SPTBN1: variants seen among roughly 807,000 people sequenced by gnomAD.
SPTBN1 encodes spectrin beta, non-erythrocytic 1, also known as spectrin beta chain, non-erythrocytic 1.
A neutral mutation model predicts 266.4 loss-of-function variants in SPTBN1; 32 were observed. The ratio of observed to expected loss-of-function variants is 0.12; its 90% CI spans 0.09 to 0.16. The LOEUF (loss-of-function observed/expected upper bound fraction) is 0.16, where lower values mean the gene tolerates loss of function less well. SPTBN1 is among the 10% of genes least tolerant of loss of function. The pLI is 1.00. For synonymous variants in SPTBN1, 1,336 were observed against 1,162.2 expected, an observed-to-expected ratio of 1.15 and a Z score of -3.04; for missense variants, 2,296 against 3,067.1, an observed-to-expected ratio of 0.75 and a Z score of 5.94.
Position 54,664,243 on chromosome 2 carries a change from A to C in SPTBN1, c.6421-210A>C. Reference sequence around the variant, plus strand: ...CTCATACTGGCATTTCGCTTTTCTCATTTCCCTGTAAATGGGCGGGTATTA... The same window carrying C: ...CTCATACTGGCATTTCGCTTTTCTCCTTTCCCTGTAAATGGGCGGGTATTA... On this transcript the variant is annotated intron_variant, in intron 32 of 35. Coordinates refer to ENST00000356805, the MANE Select transcript of SPTBN1 (RefSeq NM_003128.3). The surrounding 1 kb of genome is among the most constrained non-coding windows in gnomAD (Gnocchi z 5.6). The C allele has an allele frequency of 1.8e-6, 1 of 567,500 alleles. No homozygotes were observed. Among genetic ancestry groups the C allele is most frequent in the Admixed American group, 2.8e-5 (1 of 35,334 alleles). 35.2% of individuals were successfully genotyped at this position (567,500 alleles called of 1,614,324 possible).
At chr2:54,612,119 C>T in intron 3 of SPTBN1, 42 bp from the exon 4 acceptor site, 1 of 1,539,164 alleles carries the variant, frequency 6.5e-7, no homozygotes, top group Admixed American at 1.9e-5. Context: ...CATCTCTACT[C>T]TGTTGGGTGA....
chr2:54,506,079 G>T (rs972264550), intron 1 of SPTBN1, among the ~76,000 whole-genome samples: 1 of 151,976 alleles, frequency 6.6e-6, no homozygotes, highest in African/African-American at 2.4e-5. Flanking sequence ...AGCCAAGATC[G>T]CGCCACTGCA....
chr2:54,516,996 G>C (rs550724337), intron 1 of SPTBN1, among the ~76,000 whole-genome samples: 1 of 152,306 alleles, frequency 6.6e-6, no homozygotes, highest in South Asian at 2.1e-4. Context: ...GGAATGTCTG[G>C]CTTATGGTAA....
chr2:54,653,877 A>G lies in SPTBN1; in HGVS notation c.5822+24A>G, dbSNP rs948295125. 1.9e-6 allele frequency: 3 copies of G among 1,596,238 alleles called. No homozygotes were observed. The highest frequency in any genetic ancestry group is 8.5e-7 in the Non-Finnish European group (1 of 1,175,822). On this transcript the variant is annotated intron_variant, in intron 27 of 35. Transcript: ENST00000356805. This position sits in a 1 kb window ranked among gnomAD's most constrained non-coding sequence, Gnocchi z 5.1. ...AGGTAACGCTTTCAGCCCAAAGGAAATTGGACTTATTGGCGCTTGGTTAAA... is the reference window on the plus strand; with the variant it reads ...AGGTAACGCTTTCAGCCCAAAGGAAGTTGGACTTATTGGCGCTTGGTTAAA...
At chr2:54,519,977 G>A (rs930482601) in intron 1 of SPTBN1, among the ~76,000 whole-genome samples, 1 of 152,128 alleles carries the variant, frequency 6.6e-6, no homozygotes, top group Non-Finnish European at 1.5e-5. Context: ...CGTAGAGGTC[G>A]GGGCTGTGAG....
chr2:54,494,322 G>GT (rs993166581), intron 1 of SPTBN1, among the ~76,000 whole-genome samples: 11 of 152,210 alleles, frequency 7.2e-5, no homozygotes, highest in African/African-American at 1.7e-4. Flanking sequence ...ACAACTTGCA[G>GT]TTTTTTTAAC....
chr2:54,506,828 TG>T (rs1669586386), intron 1 of SPTBN1, among the ~76,000 whole-genome samples: 1 of 150,922 alleles, frequency 6.6e-6, no homozygotes, highest in African/African-American at 2.4e-5. Flanking sequence ...GGCCCTGGGC[TG>T]GGACTAGGGG....
chr2:54,605,780 A>T (rs6726004), intron 3 of SPTBN1, among the ~76,000 whole-genome samples: 39 of 152,224 alleles, frequency 2.6e-4, no homozygotes, highest in African/African-American at 8.9e-4. Flanking sequence ...CCTCTCGTAT[A>T]GTACCACCAG....
In SPTBN1 at chr2:54,625,919, C is replaced by T. The variant is rs754670996; in HGVS notation, c.1342-13C>T. ...TTTTTTATTTTCCTTCTTTTCATTC[C>T]GTTTCTCTGTAGGACAACTTTGGGT... On this transcript the variant is annotated splice_polypyrimidine_tract_variant and intron_variant, in intron 11 of 35. Transcript: ENST00000356805. 1.5e-5 allele frequency: 24 copies of T among 1,608,044 alleles called. No individual in the cohort carries two copies. The highest frequency in any genetic ancestry group is 2.2e-5 in the East Asian group (1 of 44,730).
intron 2 of SPTBN1, among the ~76,000 whole-genome samples, chr2:54,589,631 C>T (rs960715065): frequency 7.2e-5 from 11 of 152,216 alleles, no homozygotes; most frequent in African/African-American, 2.4e-4. Context: ...AACTCAAATT[C>T]TATTTTTATA....
At chr2:54,658,970 A>G (rs1680858178) in intron 30 of SPTBN1, among the ~76,000 whole-genome samples, 184 bp from the exon 31 acceptor site, 1 of 152,180 alleles carries the variant, frequency 6.6e-6, no homozygotes, top group African/African-American at 2.4e-5. Flanking sequence ...TATTTCCTGT[A>G]GTTTTAGGTT....
At chr2:54,619,856 A>G (rs1170545139) in intron 7 of SPTBN1, among the ~76,000 whole-genome samples, 2 of 152,184 alleles carry the variant, frequency 1.3e-5, no homozygotes, top group East Asian at 1.9e-4. Context: ...GGCAGGGAGC[A>G]TGCCAGCAGT....
At chr2:54,462,848 G>A (rs948017379) in intron 1 of SPTBN1, among the ~76,000 whole-genome samples, 2 of 152,222 alleles carry the variant, frequency 1.3e-5, no homozygotes, top group Admixed American at 6.5e-5. Context: ...GTTCCTGGCA[G>A]ACATCGAAAA....
rs971545204 is a variant in SPTBN1 at position 54,618,251 on chromosome 2, A to C, written c.763+58A>C. 2.9e-6 allele frequency: 4 copies of C among 1,395,478 alleles called. No homozygotes were observed. In the African/African-American group the frequency reaches 5.7e-5, roughly 20 times the overall value. The allele number at this position is 1,395,478 out of a possible 1,614,324, so 86.4% of individuals were successfully genotyped here. On this transcript the variant is annotated intron_variant, in intron 7 of 35. Coordinates refer to ENST00000356805, the MANE Select transcript of SPTBN1 (RefSeq NM_003128.3). ...TAGCATCTGTACCATCCAGGTGTTAATGTAAAATCTGTTTTGTGTCAGTCT... is the reference window on the plus strand; with the variant it reads ...TAGCATCTGTACCATCCAGGTGTTACTGTAAAATCTGTTTTGTGTCAGTCT...
At chr2:54,642,558 A>G (rs1679649471) in intron 18 of SPTBN1, among the ~76,000 whole-genome samples, 1 of 151,242 alleles carries the variant, frequency 6.6e-6, no homozygotes, top group African/African-American at 2.4e-5. Flanking sequence ...AATAAAAAGA[A>G]CTAAGAGAGT....
intron 1 of SPTBN1, among the ~76,000 whole-genome samples, chr2:54,502,349 T>C (rs1437238402): frequency 6.6e-6 from 1 of 152,124 alleles, no homozygotes; most frequent in African/African-American, 2.4e-5. Context: ...GCTGTGGGGA[T>C]GGCAGGCTGT....
At chr2:54,659,905 C>T in intron 31 of SPTBN1, 31 bp from the exon 32 acceptor site, 5 of 1,608,052 alleles carry the variant, frequency 3.1e-6, no homozygotes, top group Non-Finnish European at 4.3e-6. Flanking sequence ...TTCTTCCTTT[C>T]CCTTCCTCCT....
intron 2 of SPTBN1, among the ~76,000 whole-genome samples, chr2:54,539,386 A>G (rs1671804222): frequency 2.0e-5 from 3 of 152,226 alleles, no homozygotes; most frequent in Admixed American, 2.0e-4. Flanking sequence ...AAAATCATGT[A>G]TTACATTGTA....
chr2:54,610,525 A>G (rs574526219), intron 3 of SPTBN1, among the ~76,000 whole-genome samples: 1 of 152,290 alleles, frequency 6.6e-6, no homozygotes, highest in East Asian at 1.9e-4. Flanking sequence ...TCAGCCTCCC[A>G]AAGTGCTGGG....
Sources: allele counts gnomAD v4.1 joint callset (sites outside exome capture counted in the v4.1 genomes callset), GRCh38; gene constraint gnomAD v4.1.1; non-coding constraint Gnocchi (gnomAD v3.1); transcripts MANE v1.5; gene names NCBI Gene and HGNC (gene_info 2026-07-23, HGNC 2026-07-21).